Variants in DGKB observed in about 807,000 individuals in gnomAD.
DGKB encodes diacylglycerol kinase beta, also known as 90 kDa diacylglycerol kinase.
A neutral mutation model predicts 114.3 loss-of-function variants in DGKB; 67 were observed. The observed-to-expected ratio is 0.59, with a 90% CI of 0.48 to 0.72. The LOEUF is 0.72. Ranked by LOEUF, DGKB falls within the 30% of genes least tolerant of loss-of-function variation. The pLI is 0.00. For synonymous variants in DGKB, 398 were observed against 323.1 expected (o/e 1.23, Z -2.49); for missense variants, 907 against 975.2 (o/e 0.93, Z 0.93).
intron 1 of DGKB, among the ~76,000 whole-genome samples, chr7:14,958,739 T>A (rs1786667100): frequency 6.6e-6 from 1 of 152,028 alleles, no homozygotes; most frequent in Admixed American, 6.6e-5. Flanking sequence ...ATGTAACTGT[T>A]TTCATAAAGC....
At chr7:14,366,947 T>G (rs1366727234) in intron 21 of DGKB, among the ~76,000 whole-genome samples, 5 of 152,130 alleles carry the variant, frequency 3.3e-5, no homozygotes, top group Admixed American at 2.0e-4. Context: ...GACAATGGTC[T>G]CCAATTTACA....
intron 23 of DGKB, among the ~76,000 whole-genome samples, chr7:14,299,209 A>G (rs1430541812): frequency 6.6e-6 from 1 of 152,150 alleles, no homozygotes; most frequent in Non-Finnish European, 1.5e-5. Flanking sequence ...GAAGGAGAGT[A>G]TTGGAGGAAA....
At chr7:14,732,272 C>T (rs947429090) in intron 5 of DGKB, among the ~76,000 whole-genome samples, 28 of 151,698 alleles carry the variant, frequency 1.8e-4, no homozygotes, top group East Asian at 3.9e-4. Flanking sequence ...TAAAAGACTA[C>T]CTACTCTATT....
At chr7:14,156,529 A>G (rs755734411) in intron 25 of DGKB, among the ~76,000 whole-genome samples, 6 of 152,148 alleles carry the variant, frequency 3.9e-5, no homozygotes, top group Non-Finnish European at 7.4e-5. Context: ...TAATTTTCAC[A>G]TTAGGAAATA....
At chr7:14,260,382 A>G (rs2128410877) in intron 23 of DGKB, among the ~76,000 whole-genome samples, 2 of 152,306 alleles carry the variant, frequency 1.3e-5, no homozygotes, top group Middle Eastern at 6.8e-3. Context: ...TTTTACTAAG[A>G]AAAAGTGAAA....
intron 6 of DGKB, among the ~76,000 whole-genome samples, chr7:14,703,546 G>T (rs1276402187): frequency 6.6e-6 from 1 of 152,166 alleles, no homozygotes; most frequent in Non-Finnish European, 1.5e-5. Flanking sequence ...CATGGCCCAG[G>T]CTCCACCACA....
intron 1 of DGKB, among the ~76,000 whole-genome samples, chr7:14,867,223 T>A (rs569668536): frequency 6.6e-6 from 1 of 152,320 alleles, no homozygotes; most frequent in Admixed American, 6.5e-5. Context: ...GTTTTTCTTA[T>A]AATTTTAATG....
chr7:14,905,676 T>C (rs527471468), upstream of DGKB, among the ~76,000 whole-genome samples: 5 of 152,344 alleles, frequency 3.3e-5, no homozygotes, highest in African/African-American at 1.2e-4. Context: ...AATTTTGTAA[T>C]TTAATGATAG....
At chr7:14,841,528 G>A in intron 1 of DGKB, 78 bp from the exon 2 acceptor site, 1 of 328,604 alleles carries the variant, frequency 3.0e-6, no homozygotes, top group Admixed American at 4.7e-5. Context: ...GGTGTTGAAT[G>A]TTAAATACTT....
At chr7:14,634,400 T>C (rs1810332902) in intron 13 of DGKB, among the ~76,000 whole-genome samples, 1 of 151,278 alleles carries the variant, frequency 6.6e-6, no homozygotes, top group Non-Finnish European at 1.5e-5. Flanking sequence ...CTTCATTTTT[T>C]AAGTGGTTTG....
chr7:14,311,225 T>G lies in DGKB; in HGVS notation c.2122+27290A>C, dbSNP rs1379364806. On this transcript the variant is annotated intron_variant, in intron 23 of 25. Transcript: ENST00000402815. ...AGAATGAAGGCATATGGGAGCCAGA[T>G]AGTAAGTAGAGTTTTGGCTGGCATT... Among the ~76,000 whole-genome samples, 5 of 152,148 alleles carry G rather than the reference T, an allele frequency of 3.3e-5. No individual in the cohort carries two copies. The South Asian group carries it at 6.2e-4, about 19-fold the overall frequency.
chr7:14,656,749 T>TACACACACACACAC (rs777452419), intron 13 of DGKB, among the ~76,000 whole-genome samples: 3 of 50,134 alleles, frequency 6.0e-5, no homozygotes, highest in African/African-American at 3.2e-4. Context: ...ATATATAGGA[T>TACACACACACACAC]ATATACACAC....
At chr7:14,236,965 A>G (rs1449372294) in intron 23 of DGKB, among the ~76,000 whole-genome samples, 4 of 151,742 alleles carry the variant, frequency 2.6e-5, no homozygotes, top group Non-Finnish European at 5.9e-5. Context: ...TTTCTTGGCA[A>G]TGTGGTAGTG....
At chr7:14,398,793 T>TAAA (rs11458922) in intron 21 of DGKB, among the ~76,000 whole-genome samples, 1 of 147,534 alleles carries the variant, frequency 6.8e-6, no homozygotes. Context: ...GGTCTATGAC[T>TAAA]AAAAAAAAAA....
intron 20 of DGKB, among the ~76,000 whole-genome samples, chr7:14,479,448 C>G (rs959882116): frequency 1.3e-5 from 2 of 151,962 alleles, no homozygotes; most frequent in Non-Finnish European, 2.9e-5. Flanking sequence ...TTGAATGAAT[C>G]CATGAATGAA....
At chr7:14,887,936 T>C (rs1780570427) in intron 1 of DGKB, among the ~76,000 whole-genome samples, 1 of 151,692 alleles carries the variant, frequency 6.6e-6, no homozygotes, top group East Asian at 1.9e-4. Context: ...GAAAACTCAA[T>C]GGAGACATAA....
At chr7:14,880,590 T>G (rs552531822) in intron 1 of DGKB, among the ~76,000 whole-genome samples, 15 of 152,348 alleles carry the variant, frequency 9.8e-5, no homozygotes, top group African/African-American at 3.1e-4. Flanking sequence ...GGAAGAGGTT[T>G]GGATTGCATC....
chr7:14,847,943 C>T (rs1290333496), intron 1 of DGKB, among the ~76,000 whole-genome samples: 1 of 152,004 alleles, frequency 6.6e-6, no homozygotes, highest in Non-Finnish European at 1.5e-5. Flanking sequence ...TAAAGGAGCA[C>T]ATGATTAGAC....
At chr7:14,559,453 C>T (rs191438268) in intron 20 of DGKB, among the ~76,000 whole-genome samples, 1 of 152,110 alleles carries the variant, frequency 6.6e-6, no homozygotes, top group African/African-American at 2.4e-5. Context: ...AGGTAGCTGA[C>T]CTAAAATACA....
Sources: allele counts gnomAD v4.1 joint callset (sites outside exome capture counted in the v4.1 genomes callset), GRCh38; gene constraint gnomAD v4.1.1; transcripts MANE v1.5; gene names NCBI Gene and HGNC (gene_info 2026-07-23, HGNC 2026-07-21).